LNPEP: variants seen among roughly 807,000 people sequenced by gnomAD.
LNPEP encodes the protein leucyl-cystinyl aminopeptidase.
Under a neutral mutation model 120.6 loss-of-function variants are expected in LNPEP, and 64 were observed. The ratio of observed to expected loss-of-function variants is 0.53; its 90% confidence interval spans 0.43 to 0.65. The LOEUF (loss-of-function observed/expected upper bound fraction) is 0.65, where lower values mean the gene tolerates loss of function less well. Among genes scored for constraint, LNPEP ranks in the 30% least tolerant of loss-of-function variants. The pLI is 0.00. For synonymous variants in LNPEP, 435 were observed against 425.4 expected, an observed-to-expected ratio of 1.02 and a Z score of -0.28; for missense variants, 1,057 against 1,200.0, an observed-to-expected ratio of 0.88 and a Z score of 1.76.
At chr5:96,940,021 G>A (rs1789015859) in intron 1 of LNPEP, among the ~76,000 whole-genome samples, 1 of 152,112 alleles carries the variant, frequency 6.6e-6, no homozygotes. Flanking sequence ...TGGAATATAA[G>A]TTAAATCCTG....
intron 9 of LNPEP, among the ~76,000 whole-genome samples, chr5:97,003,769 C>T (rs1273022756): frequency 6.7e-6 from 1 of 149,722 alleles, no homozygotes; most frequent in Non-Finnish European, 1.5e-5. Flanking sequence ...CGTGTGTGGG[C>T]TTGGGTAGCC....
rs1255410875 is a variant in LNPEP, at chr5:97,036,598, C to T, written c.*8065C>T. On this transcript the variant is annotated 3_prime_UTR_variant, in exon 18 of 18. Transcript: ENST00000231368. Reference sequence around the variant, plus strand: ...GCACACATCCTCCCTCCCTCCCTCTCTGCTCTCCTCCCTTCCTTCAGGCCT... The same window carrying T: ...GCACACATCCTCCCTCCCTCCCTCTTTGCTCTCCTCCCTTCCTTCAGGCCT... 4 of 152,194 alleles carry T rather than the reference C, an allele frequency of 2.6e-5. No homozygotes were observed. In the East Asian group the frequency reaches 7.7e-4, roughly 29 times the overall value. The allele number at this position is 152,194 out of a possible 1,614,324, so 9.4% of individuals were successfully genotyped here. A position where few individuals can be genotyped will look rare whatever the true frequency, so the allele number is the denominator to read the frequency against.
chr5:97,027,538 C>T (rs1245609045), intron 16 of LNPEP, among the ~76,000 whole-genome samples, 195 bp from the exon 17 acceptor site: 1 of 152,104 alleles, frequency 6.6e-6, no homozygotes, highest in Non-Finnish European at 1.5e-5. Context: ...ATGTTCTGAA[C>T]TCTTCCCTTT....
intron 1 of LNPEP, among the ~76,000 whole-genome samples, chr5:96,963,659 A>T (rs1349486340): frequency 6.6e-6 from 1 of 152,218 alleles, no homozygotes; most frequent in Non-Finnish European, 1.5e-5. Context: ...CATTGATTAA[A>T]GCAAGTTACA....
At position 97,029,457 on chromosome 5, in the gene LNPEP, T is replaced by A. The variant is rs1791428825; in HGVS notation, c.*924T>A. The stretch of plus-strand genomic sequence containing the variant: ...TTTATCACTATCACTAAGAATGCAA[T>A]TTAAGTTGCCTTTTGGCATCATAGA... On this transcript the variant is annotated 3_prime_UTR_variant, in exon 18 of 18. Coordinates refer to ENST00000231368, the MANE Select transcript of LNPEP (RefSeq NM_005575.3). 6.6e-6 allele frequency: 1 copy of A among 152,382 alleles called. No individual in the cohort carries two copies. Among genetic ancestry groups the A allele is most frequent in the Non-Finnish European group, 1.5e-5 (1 of 68,034 alleles). 9.4% of individuals were successfully genotyped at this position (152,382 alleles called of 1,614,324 possible).
intron 11 of LNPEP, 148 bp from the exon 12 acceptor site, chr5:97,013,500 G>A (rs1413547012): frequency 2.0e-5 from 9 of 455,994 alleles, no homozygotes; most frequent in African/African-American, 6.1e-5. Context: ...CTTCACTAAC[G>A]TGAAAATAAC....
chr5:97,022,759 G>T (rs926533998), intron 14 of LNPEP, among the ~76,000 whole-genome samples: 1 of 148,034 alleles, frequency 6.8e-6, no homozygotes, highest in African/African-American at 2.5e-5. Context: ...TTAGCATTAG[G>T]TATATCTCCT....
chr5:97,027,010 C>T lies in LNPEP; in HGVS notation c.2864+253C>T, dbSNP rs527422205. Among the ~76,000 whole-genome samples, 7 of 152,286 alleles carry T rather than the reference C, an allele frequency of 4.6e-5. No individual in the cohort carries two copies. In the South Asian group the frequency reaches 8.3e-4, roughly 18 times the overall value. On this transcript the variant is annotated intron_variant, in intron 16 of 17. Transcript: ENST00000231368. ...CTTGGCACCAGGTTACTTAGCTCAG[C>T]GTGGCTACAGACTATTTCATAGCAA...
At chr5:96,940,028 C>A (rs538806790) in intron 1 of LNPEP, among the ~76,000 whole-genome samples, 48 of 152,056 alleles carry the variant, frequency 3.2e-4, no homozygotes, top group African/African-American at 8.0e-4. Flanking sequence ...TAAGTTAAAT[C>A]CTGTTTTTAT....
At chr5:97,009,697 C>T (rs375850128) in intron 11 of LNPEP, among the ~76,000 whole-genome samples, 1 of 145,376 alleles carries the variant, frequency 6.9e-6, no homozygotes, top group Non-Finnish European at 1.5e-5. Flanking sequence ...GCTGCTGCTG[C>T]TATTTTAATT....
At chr5:97,010,814 G>A in intron 11 of LNPEP, 1 of 985,408 alleles carries the variant, frequency 1.0e-6, no homozygotes, top group Non-Finnish European at 1.2e-6. Flanking sequence ...TGAGCTGTAG[G>A]ATGTAGTTAC....
chr5:97,014,362 G>T (rs1185847096), intron 12 of LNPEP, among the ~76,000 whole-genome samples: 1 of 152,088 alleles, frequency 6.6e-6, no homozygotes, highest in Admixed American at 6.5e-5. Context: ...AAACACTGAC[G>T]TGTTCCTTCT....
intron 1 of LNPEP, among the ~76,000 whole-genome samples, chr5:96,969,731 A>T: frequency 6.7e-6 from 1 of 148,154 alleles, no homozygotes; most frequent in Non-Finnish European, 1.5e-5. Flanking sequence ...TATTTTGTTG[A>T]TTTTTGCCCT....
Position 96,979,998 on chromosome 5 carries a change from G to T in LNPEP, c.860+20G>T. The T allele has an allele frequency of 1.3e-6, 2 of 1,556,216 alleles. No homozygotes were observed. Among genetic ancestry groups the T allele is most frequent in the South Asian group, 1.2e-5 (1 of 82,146 alleles). On this transcript the variant is annotated intron_variant, in intron 2 of 17. Coordinates refer to ENST00000231368, the MANE Select transcript of LNPEP (RefSeq NM_005575.3). ...GAAAAAGTAGGTAGCCCTCTTAAAT[G>T]ATTCTGGTTTTACGCTCTGATAACT...
chr5:96,938,283 A>G (rs536732559), intron 1 of LNPEP, among the ~76,000 whole-genome samples: 3 of 152,304 alleles, frequency 2.0e-5, no homozygotes, highest in South Asian at 2.1e-4. Context: ...TTCATTATCC[A>G]TAGAATTTAT....
In LNPEP at chr5:97,029,234, C is replaced by A. The variant is rs1484658357; in HGVS notation, c.*701C>A. The A allele has an allele frequency of 6.6e-6, 1 of 152,204 alleles. No homozygotes were observed. Among genetic ancestry groups the A allele is most frequent in the East Asian group, 1.9e-4 (1 of 5,340 alleles). The allele number at this position is 152,204 out of a possible 1,614,324, so 9.4% of individuals were successfully genotyped here. A position where few individuals can be genotyped will look rare whatever the true frequency, so the allele number is the denominator to read the frequency against. On this transcript the variant is annotated 3_prime_UTR_variant, in exon 18 of 18. Coordinates refer to ENST00000231368, the MANE Select transcript of LNPEP (RefSeq NM_005575.3). The stretch of plus-strand genomic sequence containing the variant: ...AAATTTTTTGAATATTTAAGACTTT[C>A]TTTTTCATCTTTTATAGCGTTACCA...
intron 14 of LNPEP, among the ~76,000 whole-genome samples, chr5:97,022,897 A>T (rs1317152966): frequency 1.3e-5 from 2 of 149,940 alleles, no homozygotes; most frequent in Non-Finnish European, 3.0e-5. Flanking sequence ...GTCAAACAAG[A>T]CTTTTTAAAA....
chr5:96,952,661 A>G (rs1038297690), intron 1 of LNPEP, among the ~76,000 whole-genome samples: 1 of 152,222 alleles, frequency 6.6e-6, no homozygotes, highest in Non-Finnish European at 1.5e-5. Context: ...AGATGGTGCT[A>G]AAGTAGAGAG....
intron 1 of LNPEP, among the ~76,000 whole-genome samples, chr5:96,968,312 T>C (rs1294463995): frequency 1.3e-5 from 2 of 152,120 alleles, no homozygotes; most frequent in African/African-American, 4.8e-5. Flanking sequence ...AAACTCTATG[T>C]ACAGTGGCTA....
Sources: allele counts gnomAD v4.1 joint callset (sites outside exome capture counted in the v4.1 genomes callset), GRCh38; gene constraint gnomAD v4.1.1; transcripts MANE v1.5; gene names NCBI Gene and HGNC (gene_info 2026-07-23, HGNC 2026-07-21).